TBXAS1: variants seen among roughly 807,000 people sequenced by gnomAD.
The protein encoded by TBXAS1 is thromboxane-A synthase.
Under a neutral mutation model 60.7 loss-of-function variants are expected in TBXAS1, and 48 were observed. That is an observed-to-expected ratio of 0.79 (90% confidence interval 0.63 to 1.01). TBXAS1 has a LOEUF of 1.01. Among genes scored for constraint, TBXAS1 ranks in the 50% least tolerant of loss-of-function variants. The pLI, the probability that TBXAS1 is intolerant of heterozygous loss-of-function variation, is 0.00. For synonymous variants in TBXAS1, 287 were observed against 269.7 expected, an observed-to-expected ratio of 1.06 and a Z score of -0.63; for missense variants, 685 against 686.3, an observed-to-expected ratio of 1.00 and a Z score of 0.02.
At chr7:139,792,887 A>G (rs1797432339) in intron 4 of TBXAS1, among the ~76,000 whole-genome samples, 1 of 152,204 alleles carries the variant, frequency 6.6e-6, no homozygotes, top group Admixed American at 6.5e-5. Flanking sequence ...TCAATAGGAA[A>G]CAAAGCAAGA....
At chr7:139,823,719 G>T (rs1569494811) in intron 4 of TBXAS1, among the ~76,000 whole-genome samples, 1 of 152,210 alleles carries the variant, frequency 6.6e-6, no homozygotes, top group Non-Finnish European at 1.5e-5. Flanking sequence ...AAAGCCAAAA[G>T]ATTCGGGCTT....
intron 3 of TBXAS1, among the ~76,000 whole-genome samples, chr7:139,902,685 G>A (rs933130118): frequency 2.6e-5 from 4 of 152,110 alleles, no homozygotes; most frequent in Non-Finnish European, 5.9e-5. Context: ...ATAAGAAATC[G>A]CCAAAGCGGC....
At position 139,936,372 on chromosome 7, in the gene TBXAS1, T is replaced by G. The variant is rs1312355742; in HGVS notation, c.450+65T>G. 4 of 1,497,492 alleles carry G rather than the reference T, an allele frequency of 2.7e-6. No individual in the cohort carries two copies. In the African/African-American group the frequency reaches 5.5e-5, roughly 21 times the overall value. The allele number at this position is 1,497,492 out of a possible 1,614,324, so 92.8% of individuals were successfully genotyped here. On this transcript the variant is annotated intron_variant, in intron 5 of 12. Coordinates refer to ENST00000448866, the MANE Select transcript of TBXAS1 (RefSeq NM_001061.7). Reference sequence around the variant, plus strand: ...CAGGTTTCTTCTCTCCAAATCGTGATGAGAGCCAGTTCATGTTGCATCACT... The same window carrying G: ...CAGGTTTCTTCTCTCCAAATCGTGAGGAGAGCCAGTTCATGTTGCATCACT...
At chr7:139,931,601 G>T (rs1010344176) in intron 4 of TBXAS1, among the ~76,000 whole-genome samples, 2 of 152,172 alleles carry the variant, frequency 1.3e-5, no homozygotes, top group Non-Finnish European at 2.9e-5. Flanking sequence ...CAAGAGAAGA[G>T]GACCTGTGCA....
chr7:140,003,678 G>C (rs1462138882), intron 9 of TBXAS1, among the ~76,000 whole-genome samples: 1 of 152,138 alleles, frequency 6.6e-6, no homozygotes, highest in Admixed American at 6.5e-5. Flanking sequence ...TTTCTTCGGG[G>C]AACCAACACC....
chr7:139,869,145 T>A (rs1243927998), intron 1 of TBXAS1, among the ~76,000 whole-genome samples: 14 of 152,166 alleles, frequency 9.2e-5, no homozygotes, highest in Non-Finnish European at 1.8e-4. Flanking sequence ...AGCCTGAAAT[T>A]GAGGTGTCTG....
intron 3 of TBXAS1, among the ~76,000 whole-genome samples, chr7:139,889,198 G>A (rs1254408694): frequency 6.6e-6 from 1 of 151,986 alleles, no homozygotes; most frequent in East Asian, 1.9e-4. Flanking sequence ...TGGGTGTGGT[G>A]GCATGTGCGC....
At chr7:139,954,226 T>C (rs1033663479) in intron 6 of TBXAS1, among the ~76,000 whole-genome samples, 3 of 152,210 alleles carry the variant, frequency 2.0e-5, no homozygotes, top group Non-Finnish European at 4.4e-5. Context: ...TCATTGCTAA[T>C]AAAATAATAA....
At chr7:139,978,744 C>G (rs1228175276) in intron 9 of TBXAS1, among the ~76,000 whole-genome samples, 1 of 139,552 alleles carries the variant, frequency 7.2e-6, no homozygotes, top group African/African-American at 2.7e-5. Context: ...TCAATACCAG[C>G]TTGGGCAATA....
At chr7:139,781,837 C>CAAAAAA (rs200999267) in intron 2 of TBXAS1, among the ~76,000 whole-genome samples, 25 of 67,230 alleles carry the variant, frequency 3.7e-4, no homozygotes, top group African/African-American at 1.3e-3. Flanking sequence ...AATTCCATCT[C>CAAAAAA]AAAAAAAAAA....
chr7:139,874,437 A>G (rs1437265468), intron 2 of TBXAS1, among the ~76,000 whole-genome samples: 1 of 152,216 alleles, frequency 6.6e-6, no homozygotes, highest in Non-Finnish European at 1.5e-5. Context: ...GCAGCCCGCC[A>G]TCCTCACAGC....
intron 9 of TBXAS1, among the ~76,000 whole-genome samples, chr7:139,964,642 T>C (rs1295435278): frequency 6.6e-6 from 1 of 152,158 alleles, no homozygotes; most frequent in Admixed American, 6.5e-5. Flanking sequence ...AGCAGTTTAG[T>C]AGACACAGCA....
intron 4 of TBXAS1, among the ~76,000 whole-genome samples, chr7:139,814,913 G>C (rs1235255043): frequency 6.6e-6 from 1 of 152,112 alleles, no homozygotes; most frequent in Non-Finnish European, 1.5e-5. Flanking sequence ...CTGAGCACAG[G>C]GCACTGGTCT....
chr7:139,876,644 C>A lies in TBXAS1; in HGVS notation c.236+1007C>A, dbSNP rs1376216976. Among the ~76,000 whole-genome samples the A allele has an allele frequency of 2.6e-5, 4 of 151,994 alleles. No homozygotes were observed. In the East Asian group the frequency reaches 7.7e-4, roughly 29 times the overall value. ...GGCTTGTCCTCTTTATGGAAATGGCCCCTCCTAGGAAGCCCACAGTTTTGG... is the reference window on the plus strand; with the variant it reads ...GGCTTGTCCTCTTTATGGAAATGGCACCTCCTAGGAAGCCCACAGTTTTGG... On this transcript the variant is annotated intron_variant, in intron 3 of 12. Coordinates refer to ENST00000448866, the MANE Select transcript of TBXAS1 (RefSeq NM_001061.7).
At chr7:139,938,752 T>C (rs999550566) in intron 5 of TBXAS1, among the ~76,000 whole-genome samples, 5 of 151,908 alleles carry the variant, frequency 3.3e-5, no homozygotes, top group African/African-American at 1.2e-4. Context: ...ACTATAGAAG[T>C]AGAAAGAACC....
intron 12 of TBXAS1, among the ~76,000 whole-genome samples, chr7:140,018,942 C>T (rs1052182709): frequency 6.6e-6 from 1 of 152,236 alleles, no homozygotes; most frequent in Non-Finnish European, 1.5e-5. Flanking sequence ...TCCTTCCTGA[C>T]ATCTGGCTAC....
chr7:139,876,423 C>T (rs1468348852), intron 3 of TBXAS1, among the ~76,000 whole-genome samples: 1 of 152,168 alleles, frequency 6.6e-6, no homozygotes, highest in African/African-American at 2.4e-5. Flanking sequence ...TTGGTTTTCA[C>T]GCAGCTTCTC....
chr7:139,957,921 A>T (rs1346592066), intron 8 of TBXAS1, among the ~76,000 whole-genome samples, 157 bp downstream of exon 8: 1 of 152,112 alleles, frequency 6.6e-6, no homozygotes, highest in East Asian at 1.9e-4. Context: ...TGGAGAGAAC[A>T]GAGGAAGGTT....
chr7:139,913,465 T>A, intron 4 of TBXAS1: 1 of 324,912 alleles, frequency 3.1e-6, no homozygotes, highest in Non-Finnish European at 5.9e-6. Flanking sequence ...CCCTAAGCCA[T>A]GAGACGGCAC....
Sources: allele counts gnomAD v4.1 joint callset (sites outside exome capture counted in the v4.1 genomes callset), GRCh38; gene constraint gnomAD v4.1.1; transcripts MANE v1.5; gene names NCBI Gene and HGNC (gene_info 2026-07-23, HGNC 2026-07-21).